The following CEMIP2 variants were observed in gnomAD, a reference collection of about 807,000 sequenced individuals.
CEMIP2 encodes the protein cell surface hyaluronidase CEMIP2.
A neutral mutation model predicts 146.9 loss-of-function variants in CEMIP2; 79 were observed. The observed-to-expected ratio is 0.54, with a 90% confidence interval of 0.45 to 0.65. The LOEUF (loss-of-function observed/expected upper bound fraction) is 0.65, where lower values mean the gene tolerates loss of function less well. CEMIP2 is among the 30% of genes least tolerant of loss of function. The probability of loss-of-function intolerance (pLI) is 0.00; values close to 1 mark genes in which losing one functional copy is unlikely to be tolerated. For synonymous variants in CEMIP2, 601 were observed against 606.3 expected (o/e 0.99, Z 0.13); for missense variants, 1,596 against 1,696.2 (o/e 0.94, Z 1.04).
chr9:71,691,508 A>T (rs1036025972), intron 21 of CEMIP2, among the ~76,000 whole-genome samples: 5 of 151,984 alleles, frequency 3.3e-5, no homozygotes, highest in Admixed American at 1.3e-4. Flanking sequence ...AGTAAATTTT[A>T]TATGTGGAAA....
intron 10 of CEMIP2, among the ~76,000 whole-genome samples, chr9:71,726,677 C>T (rs1342316487): frequency 6.6e-6 from 1 of 152,088 alleles, no homozygotes; most frequent in Non-Finnish European, 1.5e-5. Context: ...TTATGGAAAA[C>T]ATATATTTAT....
intron 17 of CEMIP2, among the ~76,000 whole-genome samples, chr9:71,707,544 G>C (rs73647006): frequency 0.017 from 2,657 of 152,218 alleles, 88 homozygotes; most frequent in African/African-American, 0.06. Context: ...AAAGTCAGAA[G>C]AACAAAGAAG....
intron 1 of CEMIP2, among the ~76,000 whole-genome samples, chr9:71,766,629 G>C (rs1824805227): frequency 6.6e-6 from 1 of 152,180 alleles, no homozygotes; most frequent in Non-Finnish European, 1.5e-5. Flanking sequence ...TTACAGACTA[G>C]ATCAAGGAAG....
At chr9:71,698,343 G>C (rs1464720572) in intron 19 of CEMIP2, 139 bp from the exon 20 acceptor site, 3 of 699,864 alleles carry the variant, frequency 4.3e-6, no homozygotes, top group Non-Finnish European at 7.1e-6. Flanking sequence ...AAAATGAATA[G>C]TTATTTCTGT....
At chr9:71,739,339 G>GT (rs1303023920) in intron 5 of CEMIP2, among the ~76,000 whole-genome samples, 1 of 120,100 alleles carries the variant, frequency 8.3e-6, no homozygotes, top group East Asian at 2.1e-4. Flanking sequence ...TCCAGCCTGG[G>GT]TGACAGAGTG....
intron 12 of CEMIP2, among the ~76,000 whole-genome samples, chr9:71,719,373 AG>A (rs1345868087): frequency 6.6e-6 from 1 of 152,224 alleles, no homozygotes; most frequent in Non-Finnish European, 1.5e-5. Flanking sequence ...CTGGAGAGAA[AG>A]AAGCAAGGGA....
chr9:71,740,808 C>T (rs183220921), intron 4 of CEMIP2, among the ~76,000 whole-genome samples: 6 of 151,016 alleles, frequency 4.0e-5, no homozygotes, highest in Admixed American at 2.0e-4. Flanking sequence ...GTGACTGGAA[C>T]ATGCAGTTAG....
rs746272475 is a variant in CEMIP2 at position 71,745,251 on chromosome 9, G to A, written c.801C>T (p.Leu267=). 1.9e-6 allele frequency: 3 copies of A among 1,613,868 alleles called. No individual in the cohort carries two copies. In the African/African-American group the frequency reaches 4.0e-5, roughly 22 times the overall value. Residue 267 remains leucine (L), a synonymous_variant, in exon 4 of 24, where the codon CTC becomes CTT. Coordinates refer to ENST00000377044, the MANE Select transcript of CEMIP2 (RefSeq NM_013390.3). ...TGTCTTGGTCAATGACCCTCACATT[G>A]AGGCCCCGGGAAAAGTCCTTTTCAA... ...YTFEKDFSRG[L]NVRVIDQDTA...
intron 19 of CEMIP2, 44 bp from the exon 20 acceptor site, chr9:71,698,248 A>C: frequency 1.9e-6 from 3 of 1,554,862 alleles, no homozygotes; most frequent in Non-Finnish European, 2.6e-6. Flanking sequence ...ACTTATTCTC[A>C]AAAACTTACA....
chr9:71,701,616 A>G (rs1225742996), intron 18 of CEMIP2, among the ~76,000 whole-genome samples: 1 of 152,226 alleles, frequency 6.6e-6, no homozygotes, highest in East Asian at 1.9e-4. Flanking sequence ...TTATAAATGT[A>G]TTAGGATGAG....
At chr9:71,756,191 C>T (rs1023381883) in intron 1 of CEMIP2, among the ~76,000 whole-genome samples, 6 of 128,480 alleles carry the variant, frequency 4.7e-5, no homozygotes, top group Non-Finnish European at 1.0e-4. Flanking sequence ...AGCAAAAATG[C>T]TAGATAGATA....
At chr9:71,696,473 TA>T (rs879499680) in intron 20 of CEMIP2, among the ~76,000 whole-genome samples, 553 of 143,274 alleles carry the variant, frequency 3.9e-3, no homozygotes, top group Admixed American at 4.1e-3. Flanking sequence ...GAGTTGCCAT[TA>T]AAAAAAAAAA....
At chr9:71,748,126 G>A (rs1376415596) in intron 2 of CEMIP2, among the ~76,000 whole-genome samples, 1 of 152,194 alleles carries the variant, frequency 6.6e-6, no homozygotes, top group Non-Finnish European at 1.5e-5. Flanking sequence ...AGGAAATCCA[G>A]TCTTTTGAGA....
At chr9:71,750,525 T>A (rs1824219942) in intron 1 of CEMIP2, 140 bp from the exon 2 acceptor site, 1 of 621,252 alleles carries the variant, frequency 1.6e-6, no homozygotes, top group African/African-American at 1.9e-5. Flanking sequence ...CACCGCCACC[T>A]CTGCCTCCCA....
At chr9:71,729,760 C>T in intron 10 of CEMIP2, 85 bp downstream of exon 10, 1 of 1,337,740 alleles carries the variant, frequency 7.5e-7, no homozygotes, top group Non-Finnish European at 1.1e-6. Flanking sequence ...TACACTGGCA[C>T]ACATGACATT....
upstream of CEMIP2, among the ~76,000 whole-genome samples, chr9:71,769,057 G>A (rs11790412): frequency 0.074 from 11,239 of 152,140 alleles, 527 homozygotes; most frequent in Middle Eastern, 0.13. Context: ...CCGCGCGCTG[G>A]AACAGCGCCC....
intron 22 of CEMIP2, among the ~76,000 whole-genome samples, chr9:71,688,194 C>G (rs894211618): frequency 2.6e-5 from 4 of 152,020 alleles, no homozygotes; most frequent in African/African-American, 9.7e-5. Context: ...TTTTCAAGAA[C>G]AAATCAGTGT....
chr9:71,754,104 C>T (rs1162373312), intron 1 of CEMIP2, among the ~76,000 whole-genome samples: 1 of 151,912 alleles, frequency 6.6e-6, no homozygotes, highest in Non-Finnish European at 1.5e-5. Context: ...AGGAGAAATA[C>T]CTAAAGTAAA....
chr9:71,717,403 T>C (rs575184478), intron 13 of CEMIP2, among the ~76,000 whole-genome samples: 1 of 151,638 alleles, frequency 6.6e-6, no homozygotes, highest in Non-Finnish European at 1.5e-5. Context: ...GAAAAAAAAA[T>C]ACACACACAC....
Sources: gnomAD v4.1 joint callset for allele counts (sites outside exome capture counted in the v4.1 genomes callset) on GRCh38, gnomAD v4.1.1 for gene constraint, MANE v1.5 for transcripts, NCBI Gene and HGNC (gene_info 2026-07-23, HGNC 2026-07-21) for gene names.